Variants in ADAMTS17 observed in about 807,000 individuals in gnomAD.
ADAMTS17 encodes the protein A disintegrin and metalloproteinase with thrombospondin motifs 17.
ADAMTS17 carries 113 observed loss-of-function variants against 141.5 expected under a neutral mutation model. That is an observed-to-expected ratio of 0.80 (90% CI 0.69 to 0.93). The LOEUF is 0.93. Among genes scored for constraint, ADAMTS17 ranks in the 40% least tolerant of loss-of-function variants. ADAMTS17 has a pLI of 0.00. For synonymous variants in ADAMTS17, 768 were observed against 630.6 expected, an observed-to-expected ratio of 1.22 and a Z score of -3.27; for missense variants, 1,659 against 1,517.9, an observed-to-expected ratio of 1.09 and a Z score of -1.54.
At chr15:100,191,262 T>C (rs1325634890) in intron 8 of ADAMTS17, among the ~76,000 whole-genome samples, 1 of 152,248 alleles carries the variant, frequency 6.6e-6, no homozygotes, top group Non-Finnish European at 1.5e-5. Context: ...GTGTGTAACC[T>C]GCCTTATTCA....
chr15:100,088,994 C>A (rs1214472908), intron 15 of ADAMTS17, among the ~76,000 whole-genome samples: 1 of 151,372 alleles, frequency 6.6e-6, no homozygotes, highest in Non-Finnish European at 1.5e-5. Context: ...CAAATGGGAT[C>A]TAATTCAACT....
At chr15:100,026,539 C>G (rs989439399) in intron 18 of ADAMTS17, among the ~76,000 whole-genome samples, 3 of 152,210 alleles carry the variant, frequency 2.0e-5, no homozygotes, top group African/African-American at 7.2e-5. Flanking sequence ...TGTGTAAAAG[C>G]AGGCACATAC....
intron 8 of ADAMTS17, among the ~76,000 whole-genome samples, chr15:100,187,016 C>G: frequency 6.6e-6 from 1 of 152,190 alleles, no homozygotes; most frequent in Middle Eastern, 3.2e-3. Context: ...TCTGCCACTC[C>G]CATTTGCAAA....
chr15:100,025,537 C>A (rs754972786), intron 18 of ADAMTS17, among the ~76,000 whole-genome samples: 5 of 151,838 alleles, frequency 3.3e-5, no homozygotes, highest in Admixed American at 1.3e-4. Flanking sequence ...TCAGCCTCCC[C>A]AGTAGCTGGG....
intron 7 of ADAMTS17, among the ~76,000 whole-genome samples, chr15:100,214,138 A>G (rs1202075551): frequency 6.6e-6 from 1 of 152,110 alleles, no homozygotes; most frequent in South Asian, 2.1e-4. Context: ...ACCCCGGAGT[A>G]GCTCCCATGT....
At position 100,051,714 on chromosome 15, in the gene ADAMTS17, G is replaced by A; in HGVS notation, c.2313C>T (p.Asp771=). 6.2e-7 allele frequency: 1 copy of A among 1,614,174 alleles called. No individual in the cohort carries two copies. The highest frequency in any genetic ancestry group is 1.3e-5 in the African/African-American group (1 of 75,042). ...PLHLMVLLFH[D]QDYGIHYEYT... is the part of the protein sequence containing the mutation. ...ATTCATAATGAATTCCATAATCTTGGTCGTGAAATAACAACACCTGGATCA... is the reference window on the plus strand; with the variant it reads ...ATTCATAATGAATTCCATAATCTTGATCGTGAAATAACAACACCTGGATCA... Residue 771 remains aspartate, a synonymous_variant, in exon 17 of 22, where the codon GAC becomes GAT. Coordinates refer to ENST00000268070, the MANE Select transcript of ADAMTS17 (RefSeq NM_139057.4).
At chr15:100,136,928 G>A (rs549730193) in intron 10 of ADAMTS17, among the ~76,000 whole-genome samples, 3 of 152,222 alleles carry the variant, frequency 2.0e-5, no homozygotes, top group Admixed American at 6.5e-5. Flanking sequence ...CTGTGCAGAT[G>A]TCTTTGCAGC....
At chr15:100,086,855 A>G (rs952411336) in intron 15 of ADAMTS17, among the ~76,000 whole-genome samples, 9 of 152,086 alleles carry the variant, frequency 5.9e-5, no homozygotes, top group Non-Finnish European at 1.2e-4. Context: ...TGTAGAGGGA[A>G]ATTTATAGCA....
chr15:100,163,593 CT>C (rs1490703257), intron 8 of ADAMTS17, among the ~76,000 whole-genome samples: 1 of 152,232 alleles, frequency 6.6e-6, no homozygotes, highest in Non-Finnish European at 1.5e-5. Context: ...TCAAGTGATC[CT>C]CCTGTCTCAG....
At chr15:100,206,830 G>A (rs1343918388) in intron 7 of ADAMTS17, among the ~76,000 whole-genome samples, 3 of 152,166 alleles carry the variant, frequency 2.0e-5, no homozygotes, top group Non-Finnish European at 4.4e-5. Context: ...CCTTCCCAAG[G>A]CAGCTGTCTG....
At chr15:100,050,858 G>T (rs1046724472) in intron 17 of ADAMTS17, among the ~76,000 whole-genome samples, 7 of 152,162 alleles carry the variant, frequency 4.6e-5, no homozygotes, top group African/African-American at 1.7e-4. Flanking sequence ...GTGACAAACA[G>T]CACTGTACTA....
At chr15:100,078,524 G>A (rs959908510) in intron 15 of ADAMTS17, among the ~76,000 whole-genome samples, 1 of 151,868 alleles carries the variant, frequency 6.6e-6, no homozygotes, top group Non-Finnish European at 1.5e-5. Flanking sequence ...TATGCGAAAG[G>A]ATGAAGTTGT....
rs1479782963 is a variant in ADAMTS17 at position 99,972,276 on chromosome 15, AT to A, written c.*2125del. 6.6e-6 allele frequency: 1 copy of A among 152,194 alleles called. No homozygotes were observed. Among genetic ancestry groups the A allele is most frequent in the African/African-American group, 2.4e-5 (1 of 41,428 alleles). 9.4% of individuals were successfully genotyped at this position (152,194 alleles called of 1,614,324 possible). ...AAAAAACAACACCGACAACAAAAAG[AT>A]GAGCTAAAAGAGCTCTGCAGATGCA... is the stretch of plus-strand genomic sequence containing the variant. On this transcript the variant is annotated 3_prime_UTR_variant, in exon 22 of 22. Coordinates refer to ENST00000268070, the MANE Select transcript of ADAMTS17 (RefSeq NM_139057.4).
intron 12 of ADAMTS17, among the ~76,000 whole-genome samples, chr15:100,117,602 A>G (rs2037218923): frequency 6.6e-6 from 1 of 152,100 alleles, no homozygotes; most frequent in African/African-American, 2.4e-5. Flanking sequence ...ATGGTCTTGG[A>G]TCCTAGATGC....
intron 10 of ADAMTS17, among the ~76,000 whole-genome samples, chr15:100,149,081 G>A (rs950672661): frequency 6.6e-6 from 1 of 152,208 alleles, no homozygotes; most frequent in African/African-American, 2.4e-5. Flanking sequence ...AGAATTGAGG[G>A]ATAACAGCAT....
Position 100,219,966 on chromosome 15 carries a change from T to C in ADAMTS17, c.1076-20543A>G, listed in dbSNP as rs74037566. 4.2e-3 allele frequency among the ~76,000 whole-genome samples: 641 copies of C among 152,288 alleles called. 2 individuals are homozygous for C. The South Asian group carries it at 0.043, about 10-fold the overall frequency. ...CTTTACATCTGTTACCCCACAACAA[T>C]TTTATGAGGCGGGTACAATTTTATT... On this transcript the variant is annotated intron_variant, in intron 7 of 21. Transcript: ENST00000268070.
chr15:99,992,784 C>T (rs561492195), intron 20 of ADAMTS17, among the ~76,000 whole-genome samples: 14 of 152,362 alleles, frequency 9.2e-5, no homozygotes, highest in African/African-American at 2.6e-4. Flanking sequence ...CCTTGGGCTG[C>T]GTTTCGGGTT....
At chr15:99,989,348 C>T (rs1273549919) in intron 20 of ADAMTS17, among the ~76,000 whole-genome samples, 8 of 152,224 alleles carry the variant, frequency 5.3e-5, no homozygotes, top group African/African-American at 1.7e-4. Flanking sequence ...CCACTCCTGC[C>T]CCGGACCCCT....
chr15:100,053,364 A>C (rs28760316), intron 16 of ADAMTS17, among the ~76,000 whole-genome samples: 56,870 of 151,978 alleles, frequency 0.37, 12,533 homozygotes, highest in African/African-American at 0.61. Flanking sequence ...TCTGGAGGTC[A>C]CCTGGGGAGT....
Sources: gnomAD v4.1 joint callset for allele counts (sites outside exome capture counted in the v4.1 genomes callset) on GRCh38, gnomAD v4.1.1 for gene constraint, MANE v1.5 for transcripts, NCBI Gene and HGNC (gene_info 2026-07-23, HGNC 2026-07-21) for gene names.